Variants in ST3GAL3 observed in about 807,000 individuals in gnomAD.
The protein encoded by ST3GAL3 is ST3 beta-galactoside alpha-2,3-sialyltransferase 3, also known as CMP-N-acetylneuraminate-beta-1,4-galactoside alpha-2,3-sialyltransferase.
ST3GAL3 carries 21 observed loss-of-function variants against 50.1 expected under a neutral mutation model. The ratio of observed to expected loss-of-function variants is 0.42; its 90% confidence interval spans 0.30 to 0.60. The LOEUF is 0.60. Among genes scored for constraint, ST3GAL3 ranks in the 20% least tolerant of loss-of-function variants. ST3GAL3 has a pLI of 0.19. For synonymous variants in ST3GAL3, 183 were observed against 190.0 expected, an observed-to-expected ratio of 0.96 and a Z score of 0.30; for missense variants, 353 against 489.4, an observed-to-expected ratio of 0.72 and a Z score of 2.63.
chr1:43,820,095 G>C (rs768320417), intron 4 of ST3GAL3, among the ~76,000 whole-genome samples: 20 of 152,084 alleles, frequency 1.3e-4, no homozygotes, highest in Non-Finnish European at 2.5e-4. Flanking sequence ...ACATGATACT[G>C]CTACAAAAAC....
At chr1:43,724,641 C>T (rs1672077412) in intron 1 of ST3GAL3, among the ~76,000 whole-genome samples, 1 of 152,002 alleles carries the variant, frequency 6.6e-6, no homozygotes, top group Non-Finnish European at 1.5e-5. Context: ...GAAAAAGAGA[C>T]AAGATGTTTT....
intron 5 of ST3GAL3, among the ~76,000 whole-genome samples, chr1:43,855,827 A>T (rs983175115): frequency 6.6e-6 from 1 of 152,216 alleles, no homozygotes; most frequent in Non-Finnish European, 1.5e-5. Context: ...AACATAGGCC[A>T]CTTTACACAA....
rs1558785967 is a variant in ST3GAL3 at position 43,899,346 on chromosome 1, C to T, written c.557+83C>T. ...AGCCCATTGAGAACTGTCTGTCTGG[C>T]TAGTTGGGCTGGAGGTCAACGGAAG... On this transcript the variant is annotated intron_variant, in intron 8 of 11. Coordinates refer to ENST00000347631, the MANE Select transcript of ST3GAL3 (RefSeq NM_006279.5). The surrounding 1 kb of genome is among the most constrained non-coding windows in gnomAD (Gnocchi z 5.4). The T allele has an allele frequency of 6.2e-7, 1 of 1,611,140 alleles. No individual in the cohort carries two copies. The highest frequency in any genetic ancestry group is 1.1e-5 in the South Asian group (1 of 90,786).
chr1:43,862,043 A>G (rs905403207), intron 5 of ST3GAL3, among the ~76,000 whole-genome samples: 4 of 152,022 alleles, frequency 2.6e-5, no homozygotes, highest in East Asian at 1.9e-4. Context: ...AAAAAAAAAA[A>G]AAAGAGAGAC....
intron 5 of ST3GAL3, among the ~76,000 whole-genome samples, chr1:43,849,674 G>A (rs2066918564): frequency 2.0e-5 from 3 of 152,184 alleles, no homozygotes; most frequent in Admixed American, 2.0e-4. Context: ...ACACCAGTAT[G>A]GGACTGGGAT....
chr1:43,885,348 C>T (rs2075797166), intron 5 of ST3GAL3, among the ~76,000 whole-genome samples: 1 of 152,200 alleles, frequency 6.6e-6, no homozygotes, highest in South Asian at 2.1e-4. Flanking sequence ...TAGGCAAGTT[C>T]CAGTGCAACT....
At chr1:43,770,253 AGGAGAGGAGAGGGGAGGGG>A (rs1279890643) in intron 2 of ST3GAL3, among the ~76,000 whole-genome samples, 1,554 of 85,448 alleles carry the variant, frequency 0.018, 35 homozygotes, top group African/African-American at 0.066. Context: ...AGGGGAGGGG[AGGAGAGGAGAGGGGAGGGG>A]AGGAGAGGGG....
At chr1:43,891,399 A>G (rs758694727) in intron 5 of ST3GAL3, among the ~76,000 whole-genome samples, 1 of 152,134 alleles carries the variant, frequency 6.6e-6, no homozygotes, top group African/African-American at 2.4e-5. Context: ...GTGAAACCTC[A>G]TTGCTACTTA....
intron 9 of ST3GAL3, among the ~76,000 whole-genome samples, chr1:43,917,880 G>A (rs908479901): frequency 2.7e-5 from 4 of 149,140 alleles, no homozygotes; most frequent in Non-Finnish European, 4.4e-5. Flanking sequence ...ATGTTGGCCA[G>A]GCTGGTCTTG....
At chr1:43,711,065 A>G (rs1371280055) in intron 1 of ST3GAL3, among the ~76,000 whole-genome samples, 2 of 152,238 alleles carry the variant, frequency 1.3e-5, no homozygotes, top group Non-Finnish European at 2.9e-5. Flanking sequence ...TATCATTAAA[A>G]TCTATAAATA....
chr1:43,709,128 G>T (rs61768399), intron 1 of ST3GAL3, among the ~76,000 whole-genome samples: 1 of 152,214 alleles, frequency 6.6e-6, no homozygotes, highest in Non-Finnish European at 1.5e-5. Context: ...GCTGTATGAA[G>T]GGGAAGAAGT....
chr1:43,740,696 G>A (rs1164898804), intron 2 of ST3GAL3, among the ~76,000 whole-genome samples: 1 of 151,938 alleles, frequency 6.6e-6, no homozygotes, highest in Non-Finnish European at 1.5e-5. Context: ...TACGGCGAGT[G>A]GTATAGCTAC....
chr1:43,853,571 A>G (rs1351449063), intron 5 of ST3GAL3, among the ~76,000 whole-genome samples: 1 of 152,196 alleles, frequency 6.6e-6, no homozygotes, highest in African/African-American at 2.4e-5. Context: ...CAGGCTGGCT[A>G]GTGGCCAAGG....
At chr1:43,843,647 A>G (rs907322948) in intron 5 of ST3GAL3, among the ~76,000 whole-genome samples, 1 of 152,190 alleles carries the variant, frequency 6.6e-6, no homozygotes, top group African/African-American at 2.4e-5. Flanking sequence ...TTTGTGTACA[A>G]TTGGTAATAT....
chr1:43,729,013 C>T (rs1369678705), intron 1 of ST3GAL3, among the ~76,000 whole-genome samples: 2 of 151,848 alleles, frequency 1.3e-5, no homozygotes, highest in African/African-American at 4.8e-5. Context: ...CTGCAGACTC[C>T]TGAGTAACTG....
intron 11 of ST3GAL3, among the ~76,000 whole-genome samples, chr1:43,929,792 C>T (rs932802185): frequency 6.6e-6 from 1 of 152,176 alleles, no homozygotes; most frequent in Non-Finnish European, 1.5e-5. Context: ...TGTCTATAAC[C>T]TAGGTGCTTC....
intron 5 of ST3GAL3, among the ~76,000 whole-genome samples, chr1:43,883,573 T>C (rs1383925240): frequency 6.6e-6 from 1 of 152,248 alleles, no homozygotes; most frequent in Non-Finnish European, 1.5e-5. Context: ...CTTTTCCTTC[T>C]GTGCAGTATT....
intron 2 of ST3GAL3, among the ~76,000 whole-genome samples, chr1:43,750,668 T>A (rs1685670886): frequency 6.6e-6 from 1 of 151,810 alleles, no homozygotes; most frequent in Admixed American, 6.6e-5. Flanking sequence ...GGCAGGAGGA[T>A]CTCTTGAGCC....
intron 5 of ST3GAL3, chr1:43,850,203 G>A: frequency 3.5e-6 from 1 of 289,148 alleles, no homozygotes; most frequent in Non-Finnish European, 6.9e-6. Context: ...GTGTCAGTGG[G>A]TCCCTTGTGG....
Sources: gnomAD v4.1 joint callset for allele counts (sites outside exome capture counted in the v4.1 genomes callset) on GRCh38, gnomAD v4.1.1 for gene constraint, Gnocchi (gnomAD v3.1) non-coding constraint, MANE v1.5 for transcripts, NCBI Gene and HGNC (gene_info 2026-07-23, HGNC 2026-07-21) for gene names.